Variants in PRKG1 observed in about 807,000 individuals in gnomAD.
PRKG1 encodes cGMP-dependent protein kinase 1.
Under a neutral mutation model 88.1 loss-of-function variants are expected in PRKG1, and 35 were observed. The observed-to-expected ratio is 0.40, with a 90% CI of 0.30 to 0.53. PRKG1 has a LOEUF of 0.53. Ranked by LOEUF, PRKG1 falls within the 20% of genes least tolerant of loss-of-function variation. The pLI is 0.59. For synonymous variants in PRKG1, 303 were observed against 292.5 expected, an observed-to-expected ratio of 1.04 and a Z score of -0.37; for missense variants, 540 against 839.8, an observed-to-expected ratio of 0.64 and a Z score of 4.41.
chr10:51,126,515 T>C (rs1371884171), intron 1 of PRKG1, among the ~76,000 whole-genome samples: 1 of 145,842 alleles, frequency 6.9e-6, no homozygotes, highest in Non-Finnish European at 1.5e-5. Flanking sequence ...AATTTATAAA[T>C]ATATGAATCA....
At chr10:51,095,681 T>C (rs952479128) in intron 1 of PRKG1, among the ~76,000 whole-genome samples, 1 of 152,160 alleles carries the variant, frequency 6.6e-6, no homozygotes, top group Non-Finnish European at 1.5e-5. Flanking sequence ...CGCAGTGTGA[T>C]ACTCAGTACT....
intron 1 of PRKG1, among the ~76,000 whole-genome samples, chr10:51,063,946 A>G (rs1008896178): frequency 6.6e-6 from 1 of 152,114 alleles, no homozygotes. Context: ...TGTTTGTTGA[A>G]GCTGTACACT....
chr10:51,498,172 G>A (rs1396952335), intron 3 of PRKG1, among the ~76,000 whole-genome samples: 1 of 152,140 alleles, frequency 6.6e-6, no homozygotes, highest in Non-Finnish European at 1.5e-5. Flanking sequence ...GATGATTAAG[G>A]ATATGTGAAG....
intron 3 of PRKG1, among the ~76,000 whole-genome samples, chr10:51,571,640 A>C (rs979942259): frequency 6.6e-6 from 1 of 151,846 alleles, no homozygotes; most frequent in South Asian, 2.1e-4. Flanking sequence ...AAATGAGAGA[A>C]TATCAAAAAG....
rs1842396174 is a variant in PRKG1 at position 52,296,904 on chromosome 10, T to A, written c.*3004T>A. The stretch of plus-strand genomic sequence containing the variant: ...TTCTTTACAAGTCATAATTTTTACC[T>A]AAAATTGTGGAATATGCATGTGAAT... On this transcript the variant is annotated 3_prime_UTR_variant, in exon 18 of 18. Coordinates refer to ENST00000373980, the MANE Select transcript of PRKG1 (RefSeq NM_006258.4). 6.6e-6 allele frequency: 1 copy of A among 152,144 alleles called. No individual in the cohort carries two copies. Among genetic ancestry groups the A allele is most frequent in the Non-Finnish European group, 1.5e-5 (1 of 67,984 alleles). The allele number at this position is 152,144 out of a possible 1,614,324, so 9.4% of individuals were successfully genotyped here.
chr10:51,026,373 T>C (rs1843206100), intron 1 of PRKG1, among the ~76,000 whole-genome samples: 1 of 152,162 alleles, frequency 6.6e-6, no homozygotes, highest in South Asian at 2.1e-4. Flanking sequence ...AAATTCTTTT[T>C]CAGTCTCTCC....
chr10:51,360,285 C>T (rs185128707), intron 2 of PRKG1, among the ~76,000 whole-genome samples: 18 of 151,946 alleles, frequency 1.2e-4, no homozygotes, highest in African/African-American at 3.9e-4. Context: ...ATTTTGCCTG[C>T]CTTCTGTGTT....
chr10:51,550,829 G>T (rs897645795), intron 3 of PRKG1, among the ~76,000 whole-genome samples: 3 of 151,852 alleles, frequency 2.0e-5, no homozygotes, highest in African/African-American at 4.8e-5. Context: ...AACCAAAATT[G>T]ATCATGCCAA....
At position 52,294,147 on chromosome 10, in the gene PRKG1, C is replaced by G. The variant is rs1842333158; in HGVS notation, c.*247C>G. ...GTGGTCCTGAAGCAAAGCCTTTCAC[C>G]AGTAAAAGATGTTTTCTATTGTTGC... On this transcript the variant is annotated 3_prime_UTR_variant, in exon 18 of 18. Transcript: ENST00000373980. 2.7e-6 allele frequency: 1 copy of G among 372,758 alleles called. No homozygotes were observed. The allele number at this position is 372,758 out of a possible 1,614,324, so 23.1% of individuals were successfully genotyped here.
intron 5 of PRKG1, among the ~76,000 whole-genome samples, chr10:51,932,871 G>T (rs965672663): frequency 1.3e-5 from 2 of 151,958 alleles, no homozygotes; most frequent in South Asian, 4.2e-4. Context: ...TGAAGCGGGG[G>T]TTATCTCAGA....
At chr10:52,188,298 ATATGTATATATATACATATG>A (rs1839269244) in intron 9 of PRKG1, among the ~76,000 whole-genome samples, 1 of 116,600 alleles carries the variant, frequency 8.6e-6, no homozygotes, top group African/African-American at 3.7e-5. Flanking sequence ...GTGTATATAT[ATATGTATATATATACATATG>A]TATATATATA....
chr10:52,091,506 A>G (rs767785733), intron 7 of PRKG1, among the ~76,000 whole-genome samples: 4 of 152,224 alleles, frequency 2.6e-5, no homozygotes, highest in Non-Finnish European at 5.9e-5. Flanking sequence ...GCCTACCACA[A>G]TAACATCTTG....
At chr10:51,168,997 A>C (rs1354143766) in intron 2 of PRKG1, among the ~76,000 whole-genome samples, 1 of 152,168 alleles carries the variant, frequency 6.6e-6, no homozygotes, top group Non-Finnish European at 1.5e-5. Flanking sequence ...CCCAATGCTT[A>C]TTCTGAGTTA....
rs1554849417 is a variant in PRKG1 at position 51,858,302 on chromosome 10, A to ATTATACATATGTATAATAT, written c.699-49204_699-49203insTATACATATGTATAATATT. ...ATATGTATAATTATACATATGTATAATATATATATGTATAATATGTATTAT... is the reference window on the plus strand; with the variant it reads ...ATATGTATAATTATACATATGTATAATTATACATATGTATAATATTATATATATGTATAATATGTATTAT... On this transcript the variant is annotated intron_variant, in intron 4 of 17. Coordinates refer to ENST00000373980, the MANE Select transcript of PRKG1 (RefSeq NM_006258.4). Among the ~76,000 whole-genome samples the ATTATACATATGTATAATAT allele has an allele frequency of 1.3e-4, 2 of 14,836 alleles. 1 individual carries two copies. Among genetic ancestry groups the ATTATACATATGTATAATAT allele is most frequent in the East Asian group, 1.2e-3 (2 of 1,614 alleles). 9.7% of individuals were successfully genotyped at this position (14,836 alleles called of 152,430 possible).
At chr10:51,800,554 T>C (rs189385040) in intron 3 of PRKG1, among the ~76,000 whole-genome samples, 58 of 152,192 alleles carry the variant, frequency 3.8e-4, no homozygotes, top group African/African-American at 1.3e-3. Context: ...TGCAGTACAG[T>C]TTCTAGTGAA....
chr10:51,349,731 T>C (rs1258380414), intron 2 of PRKG1, among the ~76,000 whole-genome samples: 1 of 152,076 alleles, frequency 6.6e-6, no homozygotes, highest in Non-Finnish European at 1.5e-5. Flanking sequence ...GGTCTTAAAC[T>C]CCTGACCTCA....
intron 5 of PRKG1, among the ~76,000 whole-genome samples, chr10:51,911,428 A>G (rs952765777): frequency 2.6e-5 from 4 of 152,108 alleles, no homozygotes; most frequent in Non-Finnish European, 5.9e-5. Context: ...AACAAAAGCC[A>G]TAGCTCTATA....
At chr10:51,300,862 C>A (rs1028847352) in intron 2 of PRKG1, among the ~76,000 whole-genome samples, 1 of 152,196 alleles carries the variant, frequency 6.6e-6, no homozygotes, top group Non-Finnish European at 1.5e-5. Flanking sequence ...AGGCTCCAAT[C>A]CAAATAAGAC....
At chr10:51,507,501 T>C (rs981900621) in intron 3 of PRKG1, among the ~76,000 whole-genome samples, 5 of 152,222 alleles carry the variant, frequency 3.3e-5, no homozygotes, top group African/African-American at 1.2e-4. Context: ...AATTATTTCA[T>C]ATTTGGTTGG....
Sources: gnomAD v4.1 joint callset for allele counts (sites outside exome capture counted in the v4.1 genomes callset) on GRCh38, gnomAD v4.1.1 for gene constraint, MANE v1.5 for transcripts, NCBI Gene and HGNC (gene_info 2026-07-23, HGNC 2026-07-21) for gene names.